The following NEBL variants were observed in gnomAD, a reference collection of about 807,000 sequenced individuals.
NEBL encodes the protein LIM and SH3 protein 2.
NEBL carries 122 observed loss-of-function variants against 140.2 expected under a neutral mutation model. The ratio of observed to expected loss-of-function variants is 0.87; its 90% CI spans 0.75 to 1.01. The LOEUF is 1.01. Among genes scored for constraint, NEBL ranks in the 50% least tolerant of loss-of-function variants. The pLI, the probability that NEBL is intolerant of heterozygous loss-of-function variation, is 0.00. For missense variants in NEBL, 1,365 were observed against 1,231.3 expected, an observed-to-expected ratio of 1.11 and a Z score of -1.62; for synonymous variants, 436 against 398.9, an observed-to-expected ratio of 1.09 and a Z score of -1.11.
intron 3 of NEBL, among the ~76,000 whole-genome samples, chr10:20,971,726 G>A (rs913837962): frequency 6.6e-6 from 1 of 150,422 alleles, no homozygotes; most frequent in African/African-American, 2.4e-5. Flanking sequence ...CCATTCTCCT[G>A]CCTCAGCCTC....
intron 5 of NEBL, among the ~76,000 whole-genome samples, chr10:20,878,048 T>C (rs1353106989): frequency 6.6e-6 from 1 of 152,216 alleles, no homozygotes; most frequent in Non-Finnish European, 1.5e-5. Context: ...GTAGAGGATA[T>C]TCTAAGAAAT....
intron 3 of NEBL, among the ~76,000 whole-genome samples, chr10:21,230,983 T>C (rs1394510528): frequency 6.6e-6 from 1 of 152,162 alleles, no homozygotes; most frequent in Non-Finnish European, 1.5e-5. Context: ...CTGAAAGCTA[T>C]TAAAATTCTG....
At chr10:20,934,998 C>G (rs1834401414) in intron 4 of NEBL, among the ~76,000 whole-genome samples, 1 of 152,156 alleles carries the variant, frequency 6.6e-6, no homozygotes, top group Non-Finnish European at 1.5e-5. Context: ...AGCAAAGTGC[C>G]ACACGATTTT....
intron 3 of NEBL, among the ~76,000 whole-genome samples, chr10:20,999,446 A>T (rs1336698577): frequency 1.3e-5 from 2 of 152,074 alleles, no homozygotes; most frequent in Non-Finnish European, 2.9e-5. Context: ...AAAATTTAAA[A>T]ATATTAGCCA....
intron 2 of NEBL, among the ~76,000 whole-genome samples, chr10:21,061,208 AAT>A (rs1333252720): frequency 1.3e-5 from 2 of 150,076 alleles, no homozygotes; most frequent in Non-Finnish European, 3.0e-5. Context: ...TAGATCATAT[AAT>A]ATAGAGAGAT....
chr10:21,256,269 TG>T (rs1311458077), intron 1 of NEBL, among the ~76,000 whole-genome samples: 2 of 152,034 alleles, frequency 1.3e-5, no homozygotes, highest in African/African-American at 2.4e-5. Context: ...GGTGTCACCT[TG>T]TTGGCCAGGC....
rs1588750194 is a variant in NEBL, at chr10:20,840,767, G to T, written c.1310C>A (p.Ala437Glu). 1 of 1,611,434 alleles carries T rather than the reference G, an allele frequency of 6.2e-7. No individual in the cohort carries two copies. The change falls in exon 13 of 28, where the codon GCA becomes GAA. Residue 437 changes from alanine (A) to glutamate (E), a missense_variant. This residue lies in a region of NEBL where 1,323 missense variants were observed against 1,154.8 expected (regional missense o/e 1.15). Coordinates refer to ENST00000377122, the MANE Select transcript of NEBL (RefSeq NM_006393.3). ...ACTTGCCATTTCAGAGGCTCGCTTT[G>T]CTCTTTGGATATCAAGAACTTCTGA... ...LNSEVLDIQRAKRASEMASEK... is the reference protein window; with the variant it reads ...LNSEVLDIQREKRASEMASEK...
At chr10:20,873,487 G>A (rs1466249335) in intron 5 of NEBL, among the ~76,000 whole-genome samples, 2 of 152,082 alleles carry the variant, frequency 1.3e-5, no homozygotes, top group Non-Finnish European at 2.9e-5. Flanking sequence ...ACAGGAGGAG[G>A]AGGGGGAAAA....
chr10:21,027,722 C>G (rs1294665695), intron 2 of NEBL, among the ~76,000 whole-genome samples: 2 of 152,048 alleles, frequency 1.3e-5, no homozygotes, highest in African/African-American at 4.8e-5. Flanking sequence ...GGAGAGAGAC[C>G]AATCTCTTTG....
rs146011311 is a variant in NEBL at position 20,825,743 on chromosome 10, A to G, written c.1869+704T>C. On this transcript the variant is annotated intron_variant, in intron 18 of 27. Coordinates refer to ENST00000377122, the MANE Select transcript of NEBL (RefSeq NM_006393.3). Reference sequence around the variant, plus strand: ...GTAAGGAGAGCAATTATCCACAGCAAATGTCAAACACTCAATGGAAAAAAC... The same window carrying G: ...GTAAGGAGAGCAATTATCCACAGCAGATGTCAAACACTCAATGGAAAAAAC... Among the ~76,000 whole-genome samples, 710 of 152,304 alleles carry G rather than the reference A, an allele frequency of 4.7e-3. 3 individuals carry two copies. Among genetic ancestry groups the G allele is most frequent in the African/African-American group, 0.016 (662 of 41,570 alleles).
chr10:20,996,007 G>A (rs1247297091), intron 3 of NEBL, among the ~76,000 whole-genome samples: 2 of 151,918 alleles, frequency 1.3e-5, no homozygotes, highest in Admixed American at 1.3e-4. Context: ...GATTCCTTCT[G>A]TGGCCAGATT....
chr10:20,997,432 T>G (rs7914249), intron 3 of NEBL, among the ~76,000 whole-genome samples: 25,119 of 125,182 alleles, frequency 0.2, 3,946 homozygotes, highest in African/African-American at 0.44. Context: ...CCCCCATCCC[T>G]ACAGCCGCAA....
intron 1 of NEBL, among the ~76,000 whole-genome samples, chr10:21,262,974 A>G (rs911251446): frequency 6.6e-6 from 1 of 152,230 alleles, no homozygotes; most frequent in Admixed American, 6.5e-5. Context: ...AGAAAAGGCC[A>G]TCTAAAAACA....
intron 11 of NEBL, among the ~76,000 whole-genome samples, chr10:20,847,352 G>A (rs535703832): frequency 1.3e-5 from 2 of 152,200 alleles, no homozygotes; most frequent in African/African-American, 4.8e-5. Context: ...TATATGTCAG[G>A]GAAAACATGT....
chr10:21,289,305 A>G (rs1287364194), intron 1 of NEBL, among the ~76,000 whole-genome samples: 1 of 152,172 alleles, frequency 6.6e-6, no homozygotes, highest in Non-Finnish European at 1.5e-5. Flanking sequence ...GCAACTCAGT[A>G]TTCACGGAGA....
chr10:21,030,352 C>T lies in NEBL; in HGVS notation c.165-10151G>A, dbSNP rs556772133. The stretch of plus-strand genomic sequence containing the variant: ...ACACTGGGACCTCCGCCACACCCGG[C>T]AAAAGTCAATCAGACCAGGATGCAG... On this transcript the variant is annotated intron_variant, in intron 2 of 6. Coordinates refer to the NEBL transcript ENST00000417816. The T allele has an allele frequency of 4.1e-4, 252 of 620,938 alleles. 1 individual carries two copies. The African/African-American group carries it at 4.4e-3, about 11-fold the overall frequency. The allele number at this position is 620,938 out of a possible 1,614,324, so 38.5% of individuals were successfully genotyped here. A position where few individuals can be genotyped will look rare whatever the true frequency, so the allele number is the denominator to read the frequency against.
chr10:20,893,367 G>A (rs901260578), intron 2 of NEBL, among the ~76,000 whole-genome samples: 1 of 152,130 alleles, frequency 6.6e-6, no homozygotes, highest in African/African-American at 2.4e-5. Context: ...ATATATCTGA[G>A]AAAATAATAG....
chr10:21,126,858 C>T (rs1838859497), intron 2 of NEBL, among the ~76,000 whole-genome samples: 1 of 151,578 alleles, frequency 6.6e-6, no homozygotes, highest in South Asian at 2.1e-4. Context: ...ACCTGTAATC[C>T]CAGCTACTCA....
At chr10:21,027,623 C>A (rs778994666) in intron 2 of NEBL, among the ~76,000 whole-genome samples, 3 of 152,168 alleles carry the variant, frequency 2.0e-5, no homozygotes, top group Non-Finnish European at 4.4e-5. Context: ...AGCCACCACA[C>A]CTGGCCATAT....
Sources: gnomAD v4.1 joint callset for allele counts (sites outside exome capture counted in the v4.1 genomes callset) on GRCh38, gnomAD v4.1.1 for gene constraint, gnomAD v4.1.1 regional missense constraint, MANE v1.5 for transcripts, NCBI Gene and HGNC (gene_info 2026-07-23, HGNC 2026-07-21) for gene names.